Variants in OCLN observed in about 807,000 individuals in gnomAD.
The protein encoded by OCLN is occludin.
In OCLN, 21 loss-of-function variants were observed where a neutral mutation model predicts 47.9. The observed-to-expected ratio is 0.44, with a 90% CI of 0.31 to 0.63. The LOEUF is 0.63. OCLN is among the 30% of genes least tolerant of loss of function. The pLI is 0.08. For missense variants in OCLN, 360 were observed against 571.0 expected, an observed-to-expected ratio of 0.63 and a Z score of 3.77; for synonymous variants, 117 against 198.4, an observed-to-expected ratio of 0.59 and a Z score of 3.45.
At chr5:69,522,446 T>C (rs963792719) in intron 4 of OCLN, among the ~76,000 whole-genome samples, 2 of 152,164 alleles carry the variant, frequency 1.3e-5, no homozygotes, top group African/African-American at 4.8e-5. Context: ...ACCAGAAACA[T>C]ATTTTTTTAA....
chr5:69,523,419 A>C (rs926134968), intron 4 of OCLN, among the ~76,000 whole-genome samples: 2 of 151,928 alleles, frequency 1.3e-5, no homozygotes, highest in African/African-American at 2.4e-5. Context: ...AACAGAAAGC[A>C]TTTTCATCCA....
At chr5:69,508,941 A>T (rs1768685456) in intron 2 of OCLN, among the ~76,000 whole-genome samples, 200 bp from the exon 3 acceptor site, 2 of 152,222 alleles carry the variant, frequency 1.3e-5, no homozygotes, top group Admixed American at 6.5e-5. Flanking sequence ...CCAAACAGAG[A>T]TAACCCAAAT....
rs978404455 is a variant in OCLN, at chr5:69,548,487, G to A, written c.1425+386G>A. 5.1e-4 allele frequency among the ~76,000 whole-genome samples: 76 copies of A among 149,532 alleles called. 1 individual carries two copies. The highest frequency in any genetic ancestry group is 1.7e-3 in the African/African-American group (69 of 40,582). ...TGCCACCACGCCCGGCTAATTTTTT[G>A]TATTTTTTTTTTTTAGTAGAGACGG... On this transcript the variant is annotated intron_variant, in intron 7 of 8. Transcript: ENST00000396442.
rs562266147 is a variant in OCLN at position 69,493,266 on chromosome 5, G to T, written c.-69+366G>T. ...GCATCCGCTCTGGGGCTGCAGTTTG[G>T]GGGGGCGGCCTTCATGGAGAGGGAT... On this transcript the variant is annotated intron_variant, in intron 1 of 8. Coordinates refer to ENST00000396442, the MANE Select transcript of OCLN (RefSeq NM_001205254.2). The surrounding 1 kb of genome is among the most constrained non-coding windows in gnomAD (Gnocchi z 5.3). Among the ~76,000 whole-genome samples, 10 of 152,252 alleles carry T rather than the reference G, an allele frequency of 6.6e-5. No homozygotes were observed. Among genetic ancestry groups the T allele is most frequent in the Middle Eastern group, 3.4e-3 (1 of 294 alleles).
intron 4 of OCLN, 115 bp from the exon 5 acceptor site, chr5:69,534,579 A>G: frequency 8.8e-6 from 3 of 340,432 alleles, no homozygotes; most frequent in South Asian, 2.4e-5. Flanking sequence ...ATTAGTGTTA[A>G]TAGTATTTAA....
At chr5:69,538,006 A>C (rs1580589941) in intron 5 of OCLN, among the ~76,000 whole-genome samples, 3 of 40,834 alleles carry the variant, frequency 7.3e-5, no homozygotes, top group African/African-American at 1.2e-4. Context: ...TCCTGTTTCA[A>C]CTCTTTTTTT....
chr5:69,498,258 C>G lies in OCLN; in HGVS notation c.-69+5358C>G, dbSNP rs538858629. On this transcript the variant is annotated intron_variant, in intron 1 of 8. Transcript: ENST00000396442. ...CCTGTAATCCCAGCACTTTGGGAGG[C>G]TGAGGTGGGTGGATCACCTGAGGTC... Among the ~76,000 whole-genome samples, 12 of 152,256 alleles carry G rather than the reference C, an allele frequency of 7.9e-5. No homozygotes were observed. The East Asian group carries it at 2.3e-3, about 29-fold the overall frequency.
At chr5:69,513,866 A>C (rs1245409875) in intron 3 of OCLN, 82 bp from the exon 4 acceptor site, 3 of 1,173,752 alleles carry the variant, frequency 2.6e-6, no homozygotes, top group Non-Finnish European at 3.8e-6. Flanking sequence ...AGGGTAGATA[A>C]GGGTTTTAAT....
At chr5:69,516,422 G>C (rs1768971860) in intron 4 of OCLN, among the ~76,000 whole-genome samples, 1 of 152,118 alleles carries the variant, frequency 6.6e-6, no homozygotes, top group Non-Finnish European at 1.5e-5. Flanking sequence ...AGGCAGGGAG[G>C]CTGCAGTGAG....
chr5:69,515,174 C>T (rs1458222997), intron 4 of OCLN, among the ~76,000 whole-genome samples: 2 of 149,302 alleles, frequency 1.3e-5, no homozygotes, highest in African/African-American at 4.9e-5. Context: ...CACCTCCCTC[C>T]CGGACGGGGC....
intron 4 of OCLN, among the ~76,000 whole-genome samples, chr5:69,526,865 G>C (rs1358477821): frequency 6.6e-6 from 1 of 152,184 alleles, no homozygotes. Flanking sequence ...ATGAATATCC[G>C]TGAATGGGGT....
chr5:69,525,644 T>C (rs1043781376), intron 4 of OCLN, among the ~76,000 whole-genome samples: 3 of 152,220 alleles, frequency 2.0e-5, no homozygotes, highest in Non-Finnish European at 2.9e-5. Context: ...GTTTCTCTGA[T>C]ACTCTTGATT....
At position 69,516,252 on chromosome 5, in the gene OCLN, T is replaced by C. The variant is rs538910399; in HGVS notation, c.891+2143T>C. On this transcript the variant is annotated intron_variant, in intron 4 of 8. Transcript: ENST00000396442. ...GACTCCGTCTGCAATCCCGGCACCT[T>C]GGGAGGCCGAGGCTGGCGGATCAGT... Among the ~76,000 whole-genome samples the C allele has an allele frequency of 5.5e-3, 837 of 152,280 alleles. 5 individuals are homozygous for C. The highest frequency in any genetic ancestry group is 0.019 in the African/African-American group (780 of 41,546).
At chr5:69,510,683 CA>C (rs965802163) in intron 3 of OCLN, among the ~76,000 whole-genome samples, 3 of 150,596 alleles carry the variant, frequency 2.0e-5, no homozygotes, top group Middle Eastern at 3.4e-3. Context: ...GACTCCATCT[CA>C]AAAAAAAAGA....
rs1296853352 is a variant in OCLN at position 69,511,039 on chromosome 5, C to G, written c.729+1220C>G. ...AGTCATGTACTTATTGGCCATTTCT[C>G]TCTTATCTTTGGAGAAATGGCTGTT... On this transcript the variant is annotated intron_variant, in intron 3 of 8. Coordinates refer to ENST00000396442, the MANE Select transcript of OCLN (RefSeq NM_001205254.2). Among the ~76,000 whole-genome samples the G allele has an allele frequency of 3.3e-5, 5 of 151,954 alleles. No individual in the cohort carries two copies. In the East Asian group the frequency reaches 9.6e-4, roughly 29 times the overall value.
intron 3 of OCLN, among the ~76,000 whole-genome samples, chr5:69,511,518 C>T (rs1768786566): frequency 6.6e-6 from 1 of 151,994 alleles, no homozygotes; most frequent in African/African-American, 2.4e-5. Context: ...CTCAAGTGAC[C>T]CTCCTACCTC....
intron 2 of OCLN, among the ~76,000 whole-genome samples, chr5:69,506,203 A>G (rs1768595735): frequency 6.6e-6 from 1 of 152,200 alleles, no homozygotes; most frequent in South Asian, 2.1e-4. Context: ...CCAGCTACTC[A>G]GAAGGCTGAG....
chr5:69,517,160 G>A (rs1768995022), intron 4 of OCLN, among the ~76,000 whole-genome samples: 2 of 152,048 alleles, frequency 1.3e-5, no homozygotes, highest in African/African-American at 4.8e-5. Flanking sequence ...ACATCACAGG[G>A]TTCTTTGAGC....
intron 4 of OCLN, among the ~76,000 whole-genome samples, chr5:69,527,478 T>C (rs1237780825): frequency 6.6e-6 from 1 of 152,246 alleles, no homozygotes; most frequent in Non-Finnish European, 1.5e-5. Context: ...GTTTTCTTTT[T>C]GTATTTTTTT....
Sources: allele counts gnomAD v4.1 joint callset (sites outside exome capture counted in the v4.1 genomes callset), GRCh38; gene constraint gnomAD v4.1.1; non-coding constraint Gnocchi (gnomAD v3.1); transcripts MANE v1.5; gene names NCBI Gene and HGNC (gene_info 2026-07-23, HGNC 2026-07-21).